Variants in KCTD8 observed in about 807,000 individuals in gnomAD.
KCTD8 encodes potassium channel tetramerization domain containing 8.
Under a neutral mutation model 31.5 loss-of-function variants are expected in KCTD8, and 27 were observed. That is an observed-to-expected ratio of 0.86 (90% CI 0.63 to 1.18). The LOEUF (loss-of-function observed/expected upper bound fraction) is 1.18. Among genes scored for constraint, KCTD8 ranks in the 50% most tolerant of loss-of-function variants. KCTD8 has a pLI of 0.00. For missense variants in KCTD8, 658 were observed against 647.7 expected (o/e 1.02, Z -0.17); for synonymous variants, 290 against 280.0 (o/e 1.04, Z -0.36).
Position 44,233,861 on chromosome 4 carries a change from A to G in KCTD8, c.962-58611T>C, listed in dbSNP as rs528488072. Among the ~76,000 whole-genome samples, 13 of 152,290 alleles carry G rather than the reference A, an allele frequency of 8.5e-5. No individual in the cohort carries two copies. The South Asian group carries it at 2.5e-3, about 29-fold the overall frequency. ...CGATGTAGACTATTTTAATAAAGAA[A>G]CAGTCTGTACATATGGTGGTTTTAA... On this transcript the variant is annotated intron_variant, in intron 1 of 1. Transcript: ENST00000360029.
chr4:44,213,061 C>T (rs913834561), intron 1 of KCTD8, among the ~76,000 whole-genome samples: 2 of 152,080 alleles, frequency 1.3e-5, no homozygotes, highest in Non-Finnish European at 2.9e-5. Context: ...CCTCAGCCAC[C>T]CGAGTAGCTG....
chr4:44,401,011 CTT>C (rs59602420), intron 1 of KCTD8, among the ~76,000 whole-genome samples: 4,855 of 95,666 alleles, frequency 0.051, 38 homozygotes, highest in Middle Eastern at 0.1. Context: ...AATTTTCTTT[CTT>C]TTTTTTTTTT....
intron 1 of KCTD8, among the ~76,000 whole-genome samples, chr4:44,177,628 T>C (rs942300833): frequency 6.6e-6 from 1 of 152,146 alleles, no homozygotes; most frequent in Non-Finnish European, 1.5e-5. Flanking sequence ...CTGCACAAGC[T>C]CTCTCTCTTT....
chr4:44,352,370 T>C (rs1361876042), intron 1 of KCTD8, among the ~76,000 whole-genome samples: 1 of 151,490 alleles, frequency 6.6e-6, no homozygotes, highest in East Asian at 1.9e-4. Context: ...ATGGGAAATT[T>C]AGTAAAAGGA....
At chr4:44,202,803 A>G (rs1023647284) in intron 1 of KCTD8, among the ~76,000 whole-genome samples, 14 of 152,216 alleles carry the variant, frequency 9.2e-5, no homozygotes, top group African/African-American at 3.1e-4. Context: ...AGGATAAAAA[A>G]TAAAAATAAT....
chr4:44,324,115 G>C (rs1012742031), intron 1 of KCTD8, among the ~76,000 whole-genome samples: 2 of 149,010 alleles, frequency 1.3e-5, no homozygotes, highest in Non-Finnish European at 3.0e-5. Context: ...AGAAAGTCCA[G>C]AGAGTACAGA....
intron 1 of KCTD8, among the ~76,000 whole-genome samples, chr4:44,369,368 C>T (rs1176526845): frequency 6.6e-6 from 1 of 152,248 alleles, no homozygotes; most frequent in African/African-American, 2.4e-5. Context: ...AAACCAGCTA[C>T]GAGTATGTTC....
At chr4:44,413,826 T>A (rs1010954917) in intron 1 of KCTD8, among the ~76,000 whole-genome samples, 2 of 151,964 alleles carry the variant, frequency 1.3e-5, no homozygotes, top group African/African-American at 4.8e-5. Flanking sequence ...TCCTGCATTA[T>A]CCAGAAGAGC....
At chr4:44,270,116 C>A (rs1447512216) in intron 1 of KCTD8, among the ~76,000 whole-genome samples, 1 of 151,954 alleles carries the variant, frequency 6.6e-6, no homozygotes, top group Non-Finnish European at 1.5e-5. Flanking sequence ...GCACTATTCA[C>A]AATAGCAAAG....
In KCTD8 at chr4:44,362,159, C is replaced by G. The variant is rs138960358; in HGVS notation, c.961+85404G>C. ...AAGCCAAACACAGGATAGAAAAGTT[C>G]TGAGCAGACTTTGGCTAAAATGCCA... On this transcript the variant is annotated intron_variant, in intron 1 of 1. Transcript: ENST00000360029. Among the ~76,000 whole-genome samples the G allele has an allele frequency of 5.7e-3, 863 of 152,174 alleles. 12 individuals are homozygous for G. The highest frequency in any genetic ancestry group is 0.019 in the African/African-American group (807 of 41,558).
At chr4:44,180,750 T>C (rs1577812951) in intron 1 of KCTD8, among the ~76,000 whole-genome samples, 1 of 152,202 alleles carries the variant, frequency 6.6e-6, no homozygotes, top group African/African-American at 2.4e-5. Context: ...CTCTCTAATA[T>C]TCGGTTCTTT....
chr4:44,369,519 G>T lies in KCTD8; in HGVS notation c.961+78044C>A, dbSNP rs538012959. On this transcript the variant is annotated intron_variant, in intron 1 of 1. Transcript: ENST00000360029. Reference sequence around the variant, plus strand: ...GATAACCACTTATTTAAAATAAAAGGGATTGGTGGGGCATGGTGGCTCACG... The same window carrying T: ...GATAACCACTTATTTAAAATAAAAGTGATTGGTGGGGCATGGTGGCTCACG... Among the ~76,000 whole-genome samples, 6 of 152,262 alleles carry T rather than the reference G, an allele frequency of 3.9e-5. 1 individual carries two copies. The highest frequency in any genetic ancestry group is 1.4e-4 in the African/African-American group (6 of 41,552).
At chr4:44,409,265 G>C (rs933441730) in intron 1 of KCTD8, among the ~76,000 whole-genome samples, 1 of 151,680 alleles carries the variant, frequency 6.6e-6, no homozygotes, top group Admixed American at 6.6e-5. Context: ...AAGGAGGAAG[G>C]AAGGAAGGGA....
intron 1 of KCTD8, 27 bp downstream of exon 1, chr4:44,447,536 T>C (rs1490279139): frequency 6.6e-7 from 1 of 1,515,904 alleles, no homozygotes; most frequent in East Asian, 2.4e-5. Flanking sequence ...CGAGGGGTGC[T>C]GGGAAACGCC....
At chr4:44,330,587 T>C (rs1213848452) in intron 1 of KCTD8, among the ~76,000 whole-genome samples, 1 of 151,890 alleles carries the variant, frequency 6.6e-6, no homozygotes, top group Non-Finnish European at 1.5e-5. Context: ...AAAACTAGCA[T>C]CTAAAATCAA....
chr4:44,186,280 AGAG>A (rs1713585008), intron 1 of KCTD8, among the ~76,000 whole-genome samples: 1 of 152,194 alleles, frequency 6.6e-6, no homozygotes, highest in African/African-American at 2.4e-5. Context: ...GGAAGCAGTC[AGAG>A]GAGAATTGCG....
chr4:44,188,243 T>G (rs1713649785), intron 1 of KCTD8, among the ~76,000 whole-genome samples: 1 of 152,164 alleles, frequency 6.6e-6, no homozygotes, highest in South Asian at 2.1e-4. Context: ...TATAAAAGTG[T>G]GCCTGTTAAG....
At chr4:44,242,361 G>A (rs995185453) in intron 1 of KCTD8, among the ~76,000 whole-genome samples, 1 of 152,032 alleles carries the variant, frequency 6.6e-6, no homozygotes, top group Non-Finnish European at 1.5e-5. Flanking sequence ...GGCGGATCAC[G>A]AGGTCAGGAG....
intron 1 of KCTD8, among the ~76,000 whole-genome samples, chr4:44,190,913 C>G (rs776386174): frequency 6.6e-6 from 1 of 152,154 alleles, no homozygotes; most frequent in Admixed American, 6.6e-5. Context: ...TTATTAGATG[C>G]AAATACCCTT....
Sources: allele counts gnomAD v4.1 joint callset (sites outside exome capture counted in the v4.1 genomes callset), GRCh38; gene constraint gnomAD v4.1.1; transcripts MANE v1.5; gene names NCBI Gene and HGNC (gene_info 2026-07-23, HGNC 2026-07-21).